The following ZNF217 variants were observed in gnomAD, a reference collection of about 807,000 sequenced individuals.
The protein encoded by ZNF217 is zinc finger protein 217.
ZNF217 carries 12 observed loss-of-function variants against 73.3 expected under a neutral mutation model. That is an observed-to-expected ratio of 0.16 (90% CI 0.10 to 0.27). The LOEUF is 0.27. Among genes scored for constraint, ZNF217 ranks in the 10% least tolerant of loss-of-function variants. The pLI is 1.00. For synonymous variants in ZNF217, 588 were observed against 516.4 expected (o/e 1.14, Z -1.88); for missense variants, 1,195 against 1,327.8 (o/e 0.90, Z 1.55).
At chr20:53,591,764 T>C (rs1399241319) in intron 1 of ZNF217, among the ~76,000 whole-genome samples, 2 of 152,262 alleles carry the variant, frequency 1.3e-5, no homozygotes, top group Admixed American at 6.5e-5. Context: ...GTTATTCCTC[T>C]GCACTTGTCA....
intron 4 of ZNF217, among the ~76,000 whole-genome samples, chr20:53,572,177 C>CT (rs879926456): frequency 3.3e-5 from 5 of 151,998 alleles, no homozygotes; most frequent in Admixed American, 2.6e-4. Context: ...TTGTTTTTTG[C>CT]TTTTTTTAAA....
At chr20:53,570,637 C>A (rs1257704958) in intron 5 of ZNF217, 1 of 152,534 alleles carries the variant, frequency 6.6e-6, no homozygotes, top group South Asian at 2.1e-4. Context: ...AATTCTGATA[C>A]TACTACTTGA....
In ZNF217 at chr20:53,571,794, C is replaced by T; in HGVS notation, c.3097G>A (p.Glu1033Lys). ...TAATGTGCATTCCCAATAAAATTCT[C>T]ATAGTTTCTCTTTTGTGCCATGCTG... ...SNSMAQKRNY[E>K]NFIGNAHYRP... The change falls in exon 5 of 6, where the codon GAG (glutamate) becomes AAG (lysine). Residue 1033 changes from glutamate to lysine, a missense_variant. Transcript: ENST00000371471. The T allele has an allele frequency of 6.2e-7, 1 of 1,613,132 alleles. No homozygotes were observed.
Position 53,576,703 on chromosome 20 carries a change from T to C in ZNF217, c.2061A>G (p.Leu687=). 3 of 1,614,186 alleles carry C rather than the reference T, an allele frequency of 1.9e-6. No individual in the cohort carries two copies. Among genetic ancestry groups the C allele is most frequent in the South Asian group, 1.1e-5 (1 of 91,088 alleles). ...TGTGAAGAGCCCCCACGGATAAATT[T>C]AAAGGTTTTTCGTGACAATCCACAC... ...RPSVDCHEKP[L]NLSVGALHNC... The change falls in exon 4 of 6, where the codon TTA becomes TTG. Residue 687 remains leucine, a synonymous_variant. Coordinates refer to ENST00000371471, the MANE Select transcript of ZNF217 (RefSeq NM_006526.3).
At position 53,581,437 on chromosome 20, in the gene ZNF217, C is replaced by T. The variant is rs200765725; in HGVS notation, c.1366+24G>A. On this transcript the variant is annotated intron_variant, in intron 2 of 5. Transcript: ENST00000371471. The surrounding 1 kb of genome is among the most constrained non-coding windows in gnomAD (Gnocchi z 4.9). ...ACAGACAGACACAGGCGGAACAGCA[C>T]GGGACGGAGACAGGGCAGCTTACCC... The T allele has an allele frequency of 1.9e-6, 3 of 1,582,194 alleles. No individual in the cohort carries two copies. The highest frequency in any genetic ancestry group is 2.3e-5 in the South Asian group (2 of 86,854).
chr20:53,588,366 T>C (rs977803788), intron 1 of ZNF217, among the ~76,000 whole-genome samples: 1 of 152,070 alleles, frequency 6.6e-6, no homozygotes, highest in Non-Finnish European at 1.5e-5. Flanking sequence ...ATAAGGAAAG[T>C]GAATTTTTAA....
rs888123387 is a variant in ZNF217, at chr20:53,578,377, G to A, written c.1440C>T (p.Phe480=). The part of the protein sequence containing the change: ...SRECSYCGKF[F]RSNYYLNIHL... The stretch of plus-strand genomic sequence containing the variant: ...GAATATTGAGGTAATAATTTGAACG[G>A]AAAAACTTTCCACAATAACTACACT... Residue 480 remains phenylalanine, a synonymous_variant, in exon 3 of 6, where the codon TTC becomes TTT. Coordinates refer to ENST00000371471, the MANE Select transcript of ZNF217 (RefSeq NM_006526.3). The A allele has an allele frequency of 6.3e-6, 10 of 1,598,216 alleles. No individual in the cohort carries two copies. The highest frequency in any genetic ancestry group is 8.5e-6 in the Non-Finnish European group (10 of 1,175,384).
rs1988549441 is a variant in ZNF217 at position 53,582,501 on chromosome 20, T to A, written c.326A>T (p.Asp109Val). 1.9e-6 allele frequency: 3 copies of A among 1,614,230 alleles called. No individual in the cohort carries two copies. Among genetic ancestry groups the A allele is most frequent in the Non-Finnish European group, 2.5e-6 (3 of 1,180,044 alleles). ...AGGTTCTGTTCGCACTTGACTTTTA[T>A]CAAGCGGACTGAGATACTCTGCTTC... Reference protein sequence around the residue: ...RVEAEYLSPLDKSQVRTEPPK... With the variant: ...RVEAEYLSPLVKSQVRTEPPK... The change falls in exon 2 of 6, where the codon GAT (aspartate) becomes GTT (valine). Residue 109 changes from aspartate to valine, a missense_variant. Physicochemically the swap from Asp to Val is radical, Grantham distance 152 (BLOSUM62 -3). Around this residue, in one of 9 missense-constraint regions of ZNF217, gnomAD observed 147 missense variants for 184.3 expected, o/e 0.80. Transcript: ENST00000371471. This position sits in a 1 kb window ranked among gnomAD's most constrained non-coding sequence, Gnocchi z 4.8.
At chr20:53,585,044 G>T (rs1363616452) in intron 1 of ZNF217, among the ~76,000 whole-genome samples, 9 of 63,776 alleles carry the variant, frequency 1.4e-4, no homozygotes, top group South Asian at 1.1e-3. Flanking sequence ...GAGTTTTTTG[G>T]TTTTTTTTTT....
chr20:53,588,900 A>G (rs1988790503), intron 1 of ZNF217, among the ~76,000 whole-genome samples: 1 of 152,244 alleles, frequency 6.6e-6, no homozygotes, highest in Non-Finnish European at 1.5e-5. Flanking sequence ...AATTAGTAAT[A>G]CAATCATTGT....
chr20:53,576,996 C>G lies in ZNF217; in HGVS notation c.1768G>C (p.Ala590Pro). 1 of 1,614,170 alleles carries G rather than the reference C, an allele frequency of 6.2e-7. No individual in the cohort carries two copies. Among genetic ancestry groups the G allele is most frequent in the South Asian group, 1.1e-5 (1 of 91,086 alleles). The change falls in exon 4 of 6, where the codon GCT becomes CCT. Residue 590 changes from alanine (A) to proline (P), a missense_variant. By Grantham distance (27) the Ala-to-Pro change is conservative (BLOSUM62 -1). Transcript: ENST00000371471. ...TCTTTGTGTGCTGGTGAGAGGACAG[C>G]GCTGCCCAGAACATTCTGAAAAACA... ...PSVFQNVLGSAVLSPAHKDTQ... is the reference protein window; with the variant it reads ...PSVFQNVLGSPVLSPAHKDTQ...
intron 2 of ZNF217, among the ~76,000 whole-genome samples, chr20:53,579,751 G>C (rs1304629505): frequency 6.6e-6 from 1 of 152,200 alleles, no homozygotes; most frequent in African/African-American, 2.4e-5. Context: ...TTACAAATAG[G>C]CTGTTGAAAT....
rs372541600 is a variant in ZNF217, at chr20:53,570,826, T to C, written c.*23+895A>G. 3.9e-4 allele frequency among the ~76,000 whole-genome samples: 60 copies of C among 152,318 alleles called. No homozygotes were observed. The East Asian group carries it at 7.5e-3, about 19-fold the overall frequency. The stretch of plus-strand genomic sequence containing the variant: ...GAACGTTGGGCATAGAGCCTGGATC[T>C]TTGCAGACCTAGGACAAAAACCAGG... On this transcript the variant is annotated intron_variant, in intron 5 of 5. Transcript: ENST00000371471.
chr20:53,590,145 A>T (rs1217396920), intron 1 of ZNF217, among the ~76,000 whole-genome samples: 1 of 152,226 alleles, frequency 6.6e-6, no homozygotes, highest in African/African-American at 2.4e-5. Context: ...CTGGATTTAA[A>T]ATCTTATTAC....
intron 1 of ZNF217, among the ~76,000 whole-genome samples, chr20:53,588,594 C>CTATATATA (rs61379629): frequency 2.0e-5 from 3 of 148,160 alleles, no homozygotes; most frequent in Non-Finnish European, 4.5e-5. Context: ...ACACATCTAT[C>CTATATATA]TATATATATA....
rs1480594387 is a variant in ZNF217 at position 53,577,294 on chromosome 20, T to C, written c.1484-14A>G. On this transcript the variant is annotated splice_polypyrimidine_tract_variant and intron_variant, in intron 3 of 5. Coordinates refer to ENST00000371471, the MANE Select transcript of ZNF217 (RefSeq NM_006526.3). ...ATGGTTTTTCACCTAAGGCAAGAAA[T>C]GGCACTTTATTATAGAAGTGTATGA... 1.9e-6 allele frequency: 3 copies of C among 1,589,982 alleles called. No individual in the cohort carries two copies. Among genetic ancestry groups the C allele is most frequent in the African/African-American group, 2.7e-5 (2 of 74,358 alleles).
At chr20:53,571,411 CCCT>C (rs1987996911) in intron 5 of ZNF217, among the ~76,000 whole-genome samples, 2 of 120,798 alleles carry the variant, frequency 1.7e-5, no homozygotes, top group Admixed American at 9.0e-5. Flanking sequence ...CCCCCGCCCC[CCCT>C]TTTTTTTAGA....
Position 53,583,080 on chromosome 20 carries a change from G to T in ZNF217, c.-254C>A, listed in dbSNP as rs1988568780. The T allele has an allele frequency of 2.5e-5, 11 of 442,504 alleles. No individual in the cohort carries two copies. Among genetic ancestry groups the T allele is most frequent in the Non-Finnish European group, 4.0e-5 (10 of 251,076 alleles). 27.4% of individuals were successfully genotyped at this position (442,504 alleles called of 1,614,324 possible). A position where few individuals can be genotyped will look rare whatever the true frequency, so the allele number is the denominator to read the frequency against. ...CGATTCAAATATGAATCAGCACAAA[G>T]CATTAGTTCTCTTTGTCTCCATTGA... On this transcript the variant is annotated 5_prime_UTR_variant, in exon 2 of 6. Transcript: ENST00000371471.
Position 53,582,273 on chromosome 20 carries a change from C to T in ZNF217, c.554G>A (p.Arg185Lys), listed in dbSNP as rs1320692582. 2 of 1,614,222 alleles carry T rather than the reference C, an allele frequency of 1.2e-6. No individual in the cohort carries two copies. Among genetic ancestry groups the T allele is most frequent in the Non-Finnish European group, 1.7e-6 (2 of 1,180,040 alleles). The change falls in exon 2 of 6, where the codon AGA (arginine) becomes AAA (lysine). Residue 185 changes from arginine to lysine, a missense_variant. Arg to Lys is a conservative substitution (Grantham distance 26). Around this residue, in one of 9 missense-constraint regions of ZNF217, gnomAD observed 31 missense variants for 72.2 expected, o/e 0.43. Coordinates refer to ENST00000371471, the MANE Select transcript of ZNF217 (RefSeq NM_006526.3). The surrounding 1 kb of genome is among the most constrained non-coding windows in gnomAD (Gnocchi z 4.8). ...CTCCAAGCCTTGCTGCAGTTTGCTT[C>T]TGGCCCCCGATTTGCCATTATGTGT... is the stretch of plus-strand genomic sequence containing the variant. Reference protein sequence around the residue: ...MRTHNGKSGARSKLQQGLESS... With the variant: ...MRTHNGKSGAKSKLQQGLESS...
Sources: allele counts gnomAD v4.1 joint callset (sites outside exome capture counted in the v4.1 genomes callset), GRCh38; gene constraint gnomAD v4.1.1; regional missense constraint gnomAD v4.1.1; non-coding constraint Gnocchi (gnomAD v3.1); transcripts MANE v1.5; gene names NCBI Gene and HGNC (gene_info 2026-07-23, HGNC 2026-07-21).